Variants in DMD observed in about 807,000 individuals in gnomAD.
DMD encodes mutant dystrophin.
Under a neutral mutation model 330.1 loss-of-function variants are expected in DMD, and 63 were observed. That is an observed-to-expected ratio of 0.19 (90% CI 0.16 to 0.24). The LOEUF (loss-of-function observed/expected upper bound fraction) is 0.24. DMD is among the 10% of genes least tolerant of loss of function. The pLI, the probability that DMD is intolerant of heterozygous loss-of-function variation, is 1.00. For missense variants in DMD, 3,344 were observed against 2,684.1 expected, an observed-to-expected ratio of 1.25 and a Z score of -5.43; for synonymous variants, 1,223 against 959.8, an observed-to-expected ratio of 1.27 and a Z score of -5.07.
intron 11 of DMD, among the ~76,000 whole-genome samples, chrX:32,630,069 T>G (rs943127117): frequency 1.8e-5 from 2 of 111,928 alleles, no homozygotes; most frequent in Admixed American, 9.5e-5. Context: ...ATTAACATCC[T>G]TTTCTTTAAG....
At chrX:32,469,687 T>C (rs1202257280) in intron 22 of DMD, among the ~76,000 whole-genome samples, 2 of 111,694 alleles carry the variant, frequency 1.8e-5, no homozygotes, top group East Asian at 2.8e-4. Context: ...CTAGGTGTTT[T>C]AGTGTGAGCA....
At chrX:31,751,184 G>A (rs923227959) in intron 51 of DMD, among the ~76,000 whole-genome samples, 14 of 109,340 alleles carry the variant, frequency 1.3e-4, no homozygotes, top group South Asian at 8.0e-4. Flanking sequence ...AGCCCGCATC[G>A]CCAAGTCAAT....
At chrX:31,167,426 C>T (rs921758408) in intron 74 of DMD, among the ~76,000 whole-genome samples, 3 of 111,809 alleles carry the variant, frequency 2.7e-5, no homozygotes, top group Non-Finnish European at 3.8e-5. Context: ...TGCAATGGTA[C>T]GGAGAAAGAC....
intron 64 of DMD, among the ~76,000 whole-genome samples, chrX:31,211,714 C>A (rs921726829): frequency 2.7e-5 from 3 of 111,869 alleles, no homozygotes; most frequent in Admixed American, 9.5e-5. Flanking sequence ...CAGAGGGGAG[C>A]AAAGCAATTG....
intron 62 of DMD, 82 bp downstream of exon 62, chrX:31,323,511 TGTCGC>T: frequency 1.3e-6 from 1 of 778,331 alleles, no homozygotes; most frequent in East Asian, 3.4e-5. Context: ...GCCAGGCTAA[TGTCGC>T]ATTTTAAAAA....
intron 44 of DMD, among the ~76,000 whole-genome samples, chrX:32,193,530 G>A (rs1053086837): frequency 1.8e-5 from 2 of 111,352 alleles, no homozygotes; most frequent in Non-Finnish European, 3.8e-5. Context: ...CACCTTTGCT[G>A]TTCTGCTAAC....
At chrX:33,135,667 T>G (rs1200433663) in intron 1 of DMD, among the ~76,000 whole-genome samples, 1 of 112,175 alleles carries the variant, frequency 8.9e-6, no homozygotes, top group Non-Finnish European at 1.9e-5. Context: ...GGAGCCTGAA[T>G]GCCTGGTTTA....
intron 16 of DMD, among the ~76,000 whole-genome samples, chrX:32,549,997 T>C (rs1353933994): frequency 8.9e-6 from 1 of 112,395 alleles, no homozygotes; most frequent in Non-Finnish European, 1.9e-5. Flanking sequence ...CTGGGACACA[T>C]TCTGAGAAAT....
At chrX:31,553,369 C>T (rs2074607826) in intron 55 of DMD, among the ~76,000 whole-genome samples, 1 of 111,983 alleles carries the variant, frequency 8.9e-6, no homozygotes, top group African/African-American at 3.2e-5. Flanking sequence ...ATATACCATG[C>T]AGTCTTGGGT....
intron 63 of DMD, among the ~76,000 whole-genome samples, chrX:31,238,281 G>C (rs1399685725): frequency 9.0e-6 from 1 of 111,165 alleles, no homozygotes; most frequent in East Asian, 2.8e-4. Flanking sequence ...CTGCCTCTCT[G>C]TTTCTCTCAC....
intron 16 of DMD, among the ~76,000 whole-genome samples, chrX:32,562,449 T>C (rs2149075295): frequency 8.9e-6 from 1 of 112,789 alleles, no homozygotes; most frequent in East Asian, 2.8e-4. Flanking sequence ...CAGTGTTCTT[T>C]ATATGAGTAC....
chrX:32,968,107 T>C (rs2077617550), intron 2 of DMD, among the ~76,000 whole-genome samples: 1 of 112,296 alleles, frequency 8.9e-6, no homozygotes, highest in African/African-American at 3.2e-5. Flanking sequence ...AACCAGTAAG[T>C]GTTCATCAAA....
chrX:32,885,438 G>C (rs1039286060), intron 2 of DMD, among the ~76,000 whole-genome samples: 1 of 107,537 alleles, frequency 9.3e-6, no homozygotes, highest in Admixed American at 9.8e-5. Context: ...ACAAAAAAAA[G>C]TCAATCATAT....
intron 74 of DMD, among the ~76,000 whole-genome samples, 150 bp downstream of exon 74, chrX:31,169,289 AAAAG>A (rs902835461): frequency 6.3e-5 from 7 of 111,408 alleles, no homozygotes; most frequent in East Asian, 2.8e-4. Flanking sequence ...ACAAAAAAAA[AAAAG>A]AGAGAGAGAA....
chrX:33,160,426 C>A (rs1041064215), intron 1 of DMD, among the ~76,000 whole-genome samples: 7 of 111,692 alleles, frequency 6.3e-5, no homozygotes, highest in Non-Finnish European at 1.9e-5. Context: ...GACACAATCC[C>A]ATGAGTGTGT....
chrX:31,508,826 A>G (rs1480426751), intron 55 of DMD, among the ~76,000 whole-genome samples: 6 of 111,610 alleles, frequency 5.4e-5, no homozygotes, highest in East Asian at 5.6e-4. Flanking sequence ...TTACTCTGCT[A>G]AAGTAAGGGA....
intron 17 of DMD, among the ~76,000 whole-genome samples, chrX:32,518,485 A>C (rs1289738794): frequency 9.0e-6 from 1 of 110,556 alleles, no homozygotes; most frequent in Non-Finnish European, 1.9e-5. Context: ...TATGAGAAAA[A>C]AAAAATTCCT....
intron 60 of DMD, among the ~76,000 whole-genome samples, chrX:31,359,933 G>A (rs1402011504): frequency 4.5e-5 from 5 of 112,034 alleles, no homozygotes; most frequent in Admixed American, 9.5e-5. Context: ...CAGCTATGGG[G>A]GTTACAGAGT....
At chrX:31,259,145 T>C (rs756188989) in intron 63 of DMD, among the ~76,000 whole-genome samples, 3 of 112,280 alleles carry the variant, frequency 2.7e-5, no homozygotes, top group African/African-American at 9.7e-5. Context: ...GTATTAATTC[T>C]ATAATAATAA....
Sources: gnomAD v4.1 joint callset for allele counts (sites outside exome capture counted in the v4.1 genomes callset) on GRCh38, gnomAD v4.1.1 for gene constraint, MANE v1.5 for transcripts, NCBI Gene and HGNC (gene_info 2026-07-23, HGNC 2026-07-21) for gene names.